SUPT3H: variants seen among roughly 807,000 people sequenced by gnomAD.
SUPT3H encodes SPT3 homolog, SAGA and STAGA complex component.
A neutral mutation model predicts 44.3 loss-of-function variants in SUPT3H; 44 were observed. The ratio of observed to expected loss-of-function variants is 0.99; its 90% CI spans 0.78 to 1.28. SUPT3H has a LOEUF of 1.28. SUPT3H is among the 50% of genes most tolerant of loss of function. The pLI, the probability that SUPT3H is intolerant of heterozygous loss-of-function variation, is 0.00. For missense variants in SUPT3H, 380 were observed against 387.1 expected (o/e 0.98, Z 0.15); for synonymous variants, 124 against 125.6 (o/e 0.99, Z 0.09).
chr6:45,068,613 T>G (rs1306506525), intron 3 of SUPT3H, among the ~76,000 whole-genome samples: 2 of 152,314 alleles, frequency 1.3e-5, no homozygotes, highest in South Asian at 2.1e-4. Flanking sequence ...TTGGCAATCA[T>G]AAGATACTGA....
intron 10 of SUPT3H, among the ~76,000 whole-genome samples, chr6:44,928,676 A>T (rs1459348981): frequency 6.6e-6 from 1 of 151,678 alleles, no homozygotes; most frequent in Non-Finnish European, 1.5e-5. Context: ...CGGGCGGATC[A>T]CGAGGTCAGG....
chr6:45,109,676 T>G (rs1240611441), intron 2 of SUPT3H, among the ~76,000 whole-genome samples: 2 of 152,168 alleles, frequency 1.3e-5, no homozygotes, highest in African/African-American at 4.8e-5. Flanking sequence ...TTTCCCCTCA[T>G]ACACAGAAAA....
At chr6:45,231,669 T>C (rs542837892) in intron 2 of SUPT3H, among the ~76,000 whole-genome samples, 2 of 152,326 alleles carry the variant, frequency 1.3e-5, no homozygotes, top group East Asian at 3.9e-4. Flanking sequence ...AATCTATTAA[T>C]TTGTTTAATA....
chr6:45,099,491 T>G (rs1168488084), intron 3 of SUPT3H, among the ~76,000 whole-genome samples: 1 of 152,222 alleles, frequency 6.6e-6, no homozygotes, highest in African/African-American at 2.4e-5. Context: ...TATGAAAGAT[T>G]TATCATTTAT....
At chr6:45,029,646 T>A (rs1312332310) in intron 3 of SUPT3H, among the ~76,000 whole-genome samples, 1 of 152,178 alleles carries the variant, frequency 6.6e-6, no homozygotes, top group Non-Finnish European at 1.5e-5. Flanking sequence ...TAAATATATC[T>A]AAGTTTTGAA....
At chr6:44,963,759 G>A (rs1251287598) in intron 6 of SUPT3H, among the ~76,000 whole-genome samples, 1 of 152,072 alleles carries the variant, frequency 6.6e-6, no homozygotes, top group Non-Finnish European at 1.5e-5. Flanking sequence ...CAGCACTTTC[G>A]AAGGCTGAGG....
At chr6:44,920,145 T>G (rs1340179768) in intron 10 of SUPT3H, among the ~76,000 whole-genome samples, 1 of 152,002 alleles carries the variant, frequency 6.6e-6, no homozygotes, top group Non-Finnish European at 1.5e-5. Flanking sequence ...CCCAAAGTGC[T>G]GGGATTACAG....
intron 8 of SUPT3H, 118 bp from the exon 9 acceptor site, chr6:44,953,535 T>G (rs1774640893): frequency 1.3e-6 from 1 of 768,072 alleles, no homozygotes; most frequent in Non-Finnish European, 2.2e-6. Context: ...TGCCTAAAAA[T>G]CTATATTGTA....
intron 6 of SUPT3H, among the ~76,000 whole-genome samples, chr6:44,988,507 G>A (rs1254262041): frequency 1.1e-5 from 1 of 87,362 alleles, no homozygotes; most frequent in Non-Finnish European, 2.2e-5. Context: ...GACTATGTAT[G>A]AAAGGCTTAA....
chr6:45,223,820 C>T (rs541024598), intron 2 of SUPT3H, among the ~76,000 whole-genome samples: 27 of 151,274 alleles, frequency 1.8e-4, no homozygotes, highest in African/African-American at 5.1e-4. Flanking sequence ...GCTCTACTTA[C>T]GAATTTACTA....
At chr6:45,033,958 C>T (rs1173656795) in intron 3 of SUPT3H, among the ~76,000 whole-genome samples, 1 of 152,112 alleles carries the variant, frequency 6.6e-6, no homozygotes, top group African/African-American at 2.4e-5. Context: ...TCTGAGGCAT[C>T]TTTGGGGATG....
chr6:45,018,673 A>G (rs1463750086), intron 4 of SUPT3H, among the ~76,000 whole-genome samples: 16 of 152,142 alleles, frequency 1.1e-4, no homozygotes, highest in Admixed American at 9.8e-4. Flanking sequence ...ATATTGAACT[A>G]GCCTTGCATA....
At chr6:45,362,323 T>C (rs1349620575) in intron 2 of SUPT3H, among the ~76,000 whole-genome samples, 3 of 152,140 alleles carry the variant, frequency 2.0e-5, no homozygotes, top group African/African-American at 7.2e-5. Flanking sequence ...AACTCATTAA[T>C]AGTGAATGGA....
intron 2 of SUPT3H, among the ~76,000 whole-genome samples, chr6:45,114,809 T>A (rs1278818015): frequency 6.6e-6 from 1 of 152,026 alleles, no homozygotes; most frequent in Admixed American, 6.6e-5. Flanking sequence ...GAATGTTAGG[T>A]CAAAAAATAA....
intron 7 of SUPT3H, among the ~76,000 whole-genome samples, chr6:44,960,526 G>A (rs1397744016): frequency 6.6e-6 from 1 of 151,878 alleles, no homozygotes; most frequent in East Asian, 1.9e-4. Context: ...GGCATATTAG[G>A]AGACTTTAAG....
chr6:45,026,094 C>T (rs1785958590), intron 3 of SUPT3H, among the ~76,000 whole-genome samples: 1 of 152,090 alleles, frequency 6.6e-6, no homozygotes, highest in Non-Finnish European at 1.5e-5. Flanking sequence ...GTAAGGTTAT[C>T]GCCTGGCTTA....
At chr6:45,228,671 T>A (rs1046732923) in intron 2 of SUPT3H, among the ~76,000 whole-genome samples, 1 of 152,106 alleles carries the variant, frequency 6.6e-6, no homozygotes, top group Non-Finnish European at 1.5e-5. Context: ...TTTTTTGAGA[T>A]GGAGTCTCAC....
At chr6:45,016,882 T>C (rs1377059168) in intron 4 of SUPT3H, among the ~76,000 whole-genome samples, 2 of 151,866 alleles carry the variant, frequency 1.3e-5, no homozygotes, top group Non-Finnish European at 2.9e-5. Context: ...CTGGGTCAAA[T>C]GGTATTTCTA....
At chr6:45,230,922 C>T (rs184379447) in intron 2 of SUPT3H, among the ~76,000 whole-genome samples, 5,249 of 151,838 alleles carry the variant, frequency 0.035, 138 homozygotes, top group South Asian at 0.09. Flanking sequence ...CTGCCTGCCT[C>T]GGCCTCCCAA....
Sources: allele counts gnomAD v4.1 joint callset (sites outside exome capture counted in the v4.1 genomes callset), GRCh38; gene constraint gnomAD v4.1.1; transcripts MANE v1.5; gene names NCBI Gene and HGNC (gene_info 2026-07-23, HGNC 2026-07-21).